ELP1: variants seen among roughly 807,000 people sequenced by gnomAD.
ELP1 encodes the protein elongator acetyltransferase complex subunit 1.
A neutral mutation model predicts 183.2 loss-of-function variants in ELP1; 131 were observed. The observed-to-expected ratio is 0.72, with a 90% CI of 0.62 to 0.83. The LOEUF is 0.83. Among genes scored for constraint, ELP1 ranks in the 40% least tolerant of loss-of-function variants. ELP1 has a pLI of 0.00. For synonymous variants in ELP1, 555 were observed against 569.0 expected, an observed-to-expected ratio of 0.98 and a Z score of 0.35; for missense variants, 1,550 against 1,594.9, an observed-to-expected ratio of 0.97 and a Z score of 0.48.
At chr9:108,930,617 G>A (rs1313401259) in intron 2 of ELP1, among the ~76,000 whole-genome samples, 1 of 151,716 alleles carries the variant, frequency 6.6e-6, no homozygotes, top group African/African-American at 2.4e-5. Context: ...GTGAACCCGG[G>A]GAGGCGGAGC....
rs746343046 is a variant in ELP1 at position 108,897,031 on chromosome 9, G to C, written c.2509C>G (p.Leu837Val). The change falls in exon 24 of 37, where the codon CTA (leucine) becomes GTA (valine). Residue 837 changes from leucine to valine, a missense_variant. Coordinates refer to ENST00000374647, the MANE Select transcript of ELP1 (RefSeq NM_003640.5). Reference protein sequence around the residue: ...MESINPHKYCLSILTSHVKKT... With the variant: ...MESINPHKYCVSILTSHVKKT... ...TTTACATGAGATGTAAGTATGGATA[G>C]GCAGTATCTGAGGTAATAAGTGAAG... 1.2e-6 allele frequency: 2 copies of C among 1,613,810 alleles called. No homozygotes were observed. The highest frequency in any genetic ancestry group is 1.1e-5 in the South Asian group (1 of 91,062).
intron 12 of ELP1, 25 bp downstream of exon 12, chr9:108,910,985 T>A (rs1305559157): frequency 3.1e-6 from 5 of 1,610,584 alleles, no homozygotes; most frequent in East Asian, 2.2e-5. Flanking sequence ...ATTCAGAACA[T>A]CTTGGCAAAA....
intron 18 of ELP1, 111 bp from the exon 19 acceptor site, chr9:108,900,486 A>C: frequency 1.2e-6 from 1 of 801,970 alleles, no homozygotes; most frequent in East Asian, 2.7e-5. Context: ...AATAACAACC[A>C]TGTGCCTTAG....
chr9:108,897,328 A>G (rs778325023), intron 22 of ELP1, 43 bp from the exon 23 acceptor site: 1 of 1,610,942 alleles, frequency 6.2e-7, no homozygotes, highest in Middle Eastern at 1.8e-4. Flanking sequence ...CAGAACATGT[A>G]GCCCAGCGAT....
chr9:108,890,082 G>A (rs926183166), intron 28 of ELP1, among the ~76,000 whole-genome samples: 2 of 152,046 alleles, frequency 1.3e-5, no homozygotes, highest in Admixed American at 6.5e-5. Flanking sequence ...ATAAGACATG[G>A]GAAATAGCAA....
At chr9:108,914,140 G>A (rs1469333626) in intron 10 of ELP1, among the ~76,000 whole-genome samples, 9 of 151,994 alleles carry the variant, frequency 5.9e-5, no homozygotes, top group South Asian at 2.1e-4. Flanking sequence ...GGTGGCTCAC[G>A]CCTGTAATCC....
At chr9:108,926,972 C>G (rs997011487) in intron 4 of ELP1, among the ~76,000 whole-genome samples, 2 of 152,152 alleles carry the variant, frequency 1.3e-5, no homozygotes, top group Non-Finnish European at 2.9e-5. Context: ...AAAACAGCAA[C>G]AGAACCCAAG....
rs1829266545 is a variant in ELP1 at position 108,912,480 on chromosome 9, C to T, written c.973G>A (p.Val325Ile). ...IPKTCVQLWT[V>I]GNYHWYLKQS... ...TTGAGATACCAGTGATAGTTTCCAA[C>T]AGTCCAGAGCTGAACTGCAAGGGAA... The change falls in exon 11 of 37, where the codon GTT (valine) becomes ATT (isoleucine). Residue 325 changes from valine (V) to isoleucine (I), a missense_variant. Val to Ile is a conservative substitution (Grantham distance 29). Coordinates refer to ENST00000374647, the MANE Select transcript of ELP1 (RefSeq NM_003640.5). 1 of 1,613,256 alleles carries T rather than the reference C, an allele frequency of 6.2e-7. No individual in the cohort carries two copies. Among genetic ancestry groups the T allele is most frequent in the African/African-American group, 1.3e-5 (1 of 75,004 alleles).
At chr9:108,885,081 T>TA (rs1038298872) in intron 29 of ELP1, among the ~76,000 whole-genome samples, 3 of 149,638 alleles carry the variant, frequency 2.0e-5, no homozygotes, top group Non-Finnish European at 4.4e-5. Flanking sequence ...CCTGTTTCTT[T>TA]AAAAAAACAA....
Position 108,911,126 on chromosome 9 carries a change from G to A in ELP1, c.1244C>T (p.Thr415Ile), listed in dbSNP as rs756192004. The change falls in exon 12 of 37, where the codon ACC becomes ATC. Residue 415 changes from threonine (T) to isoleucine (I), a missense_variant. By Grantham distance (89) the Thr-to-Ile change is moderately conservative. Transcript: ENST00000374647. ...RQTVVPPPMCTYQLLFPHPVN... is the reference protein window; with the variant it reads ...RQTVVPPPMCIYQLLFPHPVN... ...AGGGTGTGGGAACAGCAGTTGGTAG[G>A]TGCACATGGGAGGCGGAACCACAGT... 36 of 1,614,052 alleles carry A rather than the reference G, an allele frequency of 2.2e-5. No individual in the cohort carries two copies. The highest frequency in any genetic ancestry group is 2.9e-5 in the Non-Finnish European group (34 of 1,180,022).
chr9:108,897,022 G>A lies in ELP1; in HGVS notation c.2518C>T (p.Leu840Phe). Residue 840 changes from leucine to phenylalanine, a missense_variant, in exon 24 of 37, where the codon CTT becomes TTT. Physicochemically the swap from Leu to Phe is conservative, Grantham distance 22. Transcript: ENST00000374647. ...GTTGTCTTCTTTACATGAGATGTAA[G>A]TATGGATAGGCAGTATCTGAGGTAA... ...INPHKYCLSI[L>F]TSHVKKTTPE... 3 of 1,613,952 alleles carry A rather than the reference G, an allele frequency of 1.9e-6. No individual in the cohort carries two copies. The highest frequency in any genetic ancestry group is 2.5e-6 in the Non-Finnish European group (3 of 1,179,836).
At chr9:108,898,454 G>T (rs755514555) in intron 22 of ELP1, 48 bp downstream of exon 22, 36 of 1,188,868 alleles carry the variant, frequency 3.0e-5, no homozygotes, top group Non-Finnish European at 3.9e-5. Flanking sequence ...TTAACAAGAA[G>T]AGAGAAAACT....
intron 14 of ELP1, among the ~76,000 whole-genome samples, chr9:108,905,868 T>TACACACACACACAC (rs35044796): frequency 1.4e-5 from 2 of 147,954 alleles, no homozygotes; most frequent in African/African-American, 5.0e-5. Context: ...AAGGTATGTA[T>TACACACACACACAC]ACACACACAC....
In ELP1 at chr9:108,904,864, T is replaced by G. The variant is rs527325985; in HGVS notation, c.1644-1195A>C. 6.9e-4 allele frequency among the ~76,000 whole-genome samples: 105 copies of G among 152,336 alleles called. 3 individuals are homozygous for G. In the South Asian group the frequency reaches 0.021, roughly 31 times the overall value. On this transcript the variant is annotated intron_variant, in intron 14 of 36. Transcript: ENST00000374647. ...TTGTAGTCCTCAAAAGCATTAATATTTTATATGAACAAAACAGTCTTTTTG... is the reference window on the plus strand; with the variant it reads ...TTGTAGTCCTCAAAAGCATTAATATGTTATATGAACAAAACAGTCTTTTTG...
Position 108,901,790 on chromosome 9 carries a change from G to C in ELP1, c.1855-109C>G, listed in dbSNP as rs1258338113. Reference sequence around the variant, plus strand: ...CCTATGATTTCACACCTAAGTTCCTGTAATCAGGACTAAAGATAGATACCT... The same window carrying C: ...CCTATGATTTCACACCTAAGTTCCTCTAATCAGGACTAAAGATAGATACCT... On this transcript the variant is annotated intron_variant, in intron 16 of 36. Transcript: ENST00000374647. 9.4e-6 allele frequency: 10 copies of C among 1,059,008 alleles called. No individual in the cohort carries two copies. The Admixed American group carries it at 1.9e-4, about 20-fold the overall frequency. 65.6% of individuals were successfully genotyped at this position (1,059,008 alleles called of 1,614,324 possible).
At chr9:108,877,484 C>G (rs1424063155) in intron 35 of ELP1, among the ~76,000 whole-genome samples, 1 of 152,146 alleles carries the variant, frequency 6.6e-6, no homozygotes, top group East Asian at 1.9e-4. Flanking sequence ...AAATAATAAA[C>G]AGATGACAAT....
chr9:108,924,832 T>C (rs572433713), intron 5 of ELP1, among the ~76,000 whole-genome samples: 1 of 152,326 alleles, frequency 6.6e-6, no homozygotes, highest in East Asian at 1.9e-4. Context: ...TCCCTGTTAC[T>C]GGCATCTTTA....
intron 7 of ELP1, 112 bp from the exon 8 acceptor site, chr9:108,919,013 A>T: frequency 3.5e-6 from 3 of 868,828 alleles, no homozygotes; most frequent in Non-Finnish European, 5.7e-6. Context: ...CCATGGTTTT[A>T]CATAGCCAAT....
At chr9:108,913,655 T>TAC (rs1252225458) in intron 10 of ELP1, among the ~76,000 whole-genome samples, 5 of 151,936 alleles carry the variant, frequency 3.3e-5, no homozygotes, top group African/African-American at 1.2e-4. Context: ...TATATATATA[T>TAC]ACATGTTTTT....
Sources: gnomAD v4.1 joint callset for allele counts (sites outside exome capture counted in the v4.1 genomes callset) on GRCh38, gnomAD v4.1.1 for gene constraint, MANE v1.5 for transcripts, NCBI Gene and HGNC (gene_info 2026-07-23, HGNC 2026-07-21) for gene names.